The following DRC11 variants were observed in gnomAD, a reference collection of about 807,000 sequenced individuals.
DRC11 encodes the protein IQ and AAA domain-containing protein 1.
the DRC11 span, among the ~76,000 whole-genome samples, chr2:236,449,586 C>T: frequency 6.6e-6 from 1 of 152,204 alleles, no homozygotes; most frequent in Non-Finnish European, 1.5e-5. This position sits in a 1 kb window ranked among gnomAD's most constrained non-coding sequence, Gnocchi z 5.1. Flanking sequence ...GTGTGCCTGC[C>T]TTGCTGGCCT....
chr2:236,348,253 AAGTTGCC>A, the DRC11 span, among the ~76,000 whole-genome samples: 1 of 152,202 alleles, frequency 6.6e-6, no homozygotes, highest in Admixed American at 6.5e-5. The surrounding 1 kb of genome is among the most constrained non-coding windows in gnomAD (Gnocchi z 7.4). Flanking sequence ...GTGCAGGAGA[AAGTTGCC>A]ACAGGAGGGA....
chr2:236,468,650 A>G, the DRC11 span, among the ~76,000 whole-genome samples: 2 of 152,168 alleles, frequency 1.3e-5, no homozygotes, highest in African/African-American at 2.4e-5. Context: ...CGTCCAGGTA[A>G]TGTTTTTCAT....
chr2:236,408,386 C>G, the DRC11 span: 1 of 745,542 alleles, frequency 1.3e-6, no homozygotes, highest in Non-Finnish European at 2.5e-6. The surrounding 1 kb of genome is among the most constrained non-coding windows in gnomAD (Gnocchi z 5.5). Flanking sequence ...CTTGTGACCC[C>G]TTTGTAGTCT....
At chr2:236,465,826 A>T in the DRC11 span, 278 of 669,358 alleles carry the variant, frequency 4.2e-4, 1 homozygote, top group Admixed American at 2.1e-3. This position sits in a 1 kb window ranked among gnomAD's most constrained non-coding sequence, Gnocchi z 6.2. Flanking sequence ...AAAGGCAAAT[A>T]AGAAATACAA....
chr2:236,482,466 T>G, the DRC11 span, among the ~76,000 whole-genome samples: 11 of 152,346 alleles, frequency 7.2e-5, no homozygotes, highest in African/African-American at 2.4e-4. This position sits in a 1 kb window ranked among gnomAD's most constrained non-coding sequence, Gnocchi z 4.5. Flanking sequence ...ACTTGCCAAC[T>G]GGCTTTCAGA....
chr2:236,330,299 A>T, the DRC11 span, among the ~76,000 whole-genome samples: 1 of 152,178 alleles, frequency 6.6e-6, no homozygotes, highest in African/African-American at 2.4e-5. This position sits in a 1 kb window ranked among gnomAD's most constrained non-coding sequence, Gnocchi z 5.5. Context: ...ACCCAGCCAT[A>T]CGCATTCATT....
At chr2:236,444,534 G>A in the DRC11 span, among the ~76,000 whole-genome samples, 1 of 152,138 alleles carries the variant, frequency 6.6e-6, no homozygotes. Flanking sequence ...GCACCCTGGG[G>A]ACCTGGGACA....
chr2:236,368,286 A>G, the DRC11 span: 3 of 1,597,196 alleles, frequency 1.9e-6, no homozygotes, highest in Non-Finnish European at 1.7e-6. Flanking sequence ...AGTAGTCCCC[A>G]GGTAGCTGTA....
chr2:236,505,509 G>A, the DRC11 span, among the ~76,000 whole-genome samples: 1 of 152,034 alleles, frequency 6.6e-6, no homozygotes. Context: ...TGGCTGTGGG[G>A]CTGGGTCAAG....
At chr2:236,324,868 G>T in the DRC11 span, 3 of 944,766 alleles carry the variant, frequency 3.2e-6, no homozygotes, top group Non-Finnish European at 3.3e-6. The surrounding 1 kb of genome is among the most constrained non-coding windows in gnomAD (Gnocchi z 5.7). Flanking sequence ...AGCCTGCTAA[G>T]CAGGAAGGGG....
chr2:236,460,327 G>A, the DRC11 span, among the ~76,000 whole-genome samples: 37 of 152,274 alleles, frequency 2.4e-4, 1 homozygote, highest in South Asian at 6.4e-3. The surrounding 1 kb of genome is among the most constrained non-coding windows in gnomAD (Gnocchi z 4.0). Context: ...TTCAAAGGGC[G>A]TCCATAAACG....
the DRC11 span, among the ~76,000 whole-genome samples, chr2:236,451,267 G>A: frequency 6.6e-6 from 1 of 151,504 alleles, no homozygotes; most frequent in African/African-American, 2.4e-5. Context: ...TCCTTTCCTG[G>A]GAAGACCTAT....
At chr2:236,341,964 C>T in the DRC11 span, among the ~76,000 whole-genome samples, 1 of 152,170 alleles carries the variant, frequency 6.6e-6, no homozygotes, top group Non-Finnish European at 1.5e-5. Flanking sequence ...CCACCGGGGT[C>T]CTCCTTTTCC....
At chr2:236,344,654 A>G in the DRC11 span, 309 of 1,605,786 alleles carry the variant, frequency 1.9e-4, no homozygotes, top group Non-Finnish European at 1.5e-5. Context: ...CTGCAGAGGA[A>G]AAGGCAGGGC....
the DRC11 span, among the ~76,000 whole-genome samples, chr2:236,500,401 C>T: frequency 6.6e-6 from 1 of 152,062 alleles, no homozygotes; most frequent in African/African-American, 2.4e-5. The surrounding 1 kb of genome is among the most constrained non-coding windows in gnomAD (Gnocchi z 6.3). Context: ...AAGGAGGGGT[C>T]CCGTGACACA....
the DRC11 span, among the ~76,000 whole-genome samples, chr2:236,386,483 G>T: frequency 1.3e-5 from 2 of 151,976 alleles, no homozygotes; most frequent in Non-Finnish European, 2.9e-5. Context: ...ATGGTAGTTT[G>T]TATTTCTGTG....
chr2:236,442,949 A>G, the DRC11 span, among the ~76,000 whole-genome samples: 1 of 152,316 alleles, frequency 6.6e-6, no homozygotes, highest in East Asian at 1.9e-4. Flanking sequence ...CTCAAGGGAA[A>G]GATGATGTTC....
the DRC11 span, among the ~76,000 whole-genome samples, chr2:236,418,874 T>C: frequency 6.6e-6 from 1 of 152,254 alleles, no homozygotes; most frequent in Non-Finnish European, 1.5e-5. Flanking sequence ...GAAGGAAAAC[T>C]CAAAGCTATC....
chr2:236,359,948 T>C, the DRC11 span, among the ~76,000 whole-genome samples: 2 of 152,174 alleles, frequency 1.3e-5, no homozygotes, highest in Non-Finnish European at 2.9e-5. This position sits in a 1 kb window ranked among gnomAD's most constrained non-coding sequence, Gnocchi z 4.3. Context: ...CTCCACATTT[T>C]AATAATTTTT....
Sources: allele counts gnomAD v4.1 joint callset (sites outside exome capture counted in the v4.1 genomes callset), GRCh38; gene constraint gnomAD v4.1.1; non-coding constraint Gnocchi (gnomAD v3.1); transcripts MANE v1.5; gene names NCBI Gene and HGNC (gene_info 2026-07-23, HGNC 2026-07-21).